VSTM2B: variants seen among roughly 807,000 people sequenced by gnomAD.
The protein encoded by VSTM2B is V-set and transmembrane domain containing 2B.
VSTM2B carries 24 observed loss-of-function variants against 24.0 expected under a neutral mutation model. That is an observed-to-expected ratio of 1.00 (90% CI 0.72 to 1.40). VSTM2B has a LOEUF of 1.40. VSTM2B is among the 40% of genes most tolerant of loss of function. The pLI, the probability that VSTM2B is intolerant of heterozygous loss-of-function variation, is 0.00. For missense variants in VSTM2B, 399 were observed against 416.4 expected (o/e 0.96, Z 0.36); for synonymous variants, 226 against 194.4 (o/e 1.16, Z -1.35).
chr19:29,534,734 G>GAAAGAAAGAAAAGA (rs1487013053), intron 4 of VSTM2B, among the ~76,000 whole-genome samples: 1 of 150,430 alleles, frequency 6.6e-6, no homozygotes, highest in Non-Finnish European at 1.5e-5. Context: ...AAAAAAGAAA[G>GAAAGAAAGAAAAGA]AAAGAAAGAA....
intron 4 of VSTM2B, among the ~76,000 whole-genome samples, chr19:29,541,408 G>A (rs1391160250): frequency 6.6e-6 from 1 of 152,134 alleles, no homozygotes; most frequent in African/African-American, 2.4e-5. Context: ...GCTGGTGGGT[G>A]AGTGAAGGGA....
At chr19:29,536,062 C>T (rs752451960) in intron 4 of VSTM2B, among the ~76,000 whole-genome samples, 2 of 152,238 alleles carry the variant, frequency 1.3e-5, no homozygotes, top group Admixed American at 6.5e-5. Flanking sequence ...AGCTGGCAAG[C>T]AATGCCTGCT....
At chr19:29,552,899 G>C (rs1225144245) in intron 4 of VSTM2B, among the ~76,000 whole-genome samples, 2 of 152,178 alleles carry the variant, frequency 1.3e-5, no homozygotes, top group Admixed American at 1.3e-4. Flanking sequence ...CTCCTCACCT[G>C]GTGGGGCCTC....
In VSTM2B at chr19:29,550,861, C is replaced by A. The variant is rs146688773; in HGVS notation, c.770-12985C>A. Among the ~76,000 whole-genome samples the A allele has an allele frequency of 8.6e-3, 1,306 of 152,176 alleles. 13 individuals carry two copies. The highest frequency in any genetic ancestry group is 0.02 in the Middle Eastern group (6 of 294). ...AAAAAAAGCAGCACTGTTTGCAAAC[C>A]CCTGACCCCAGATGCAGCTCCCAGG... On this transcript the variant is annotated intron_variant, in intron 4 of 4. Transcript: ENST00000335523.
At chr19:29,543,457 GA>G (rs1970070489) in intron 4 of VSTM2B, among the ~76,000 whole-genome samples, 2 of 152,352 alleles carry the variant, frequency 1.3e-5, no homozygotes, top group South Asian at 4.1e-4. Flanking sequence ...CACTGAGGTG[GA>G]ACCCAAAGGC....
chr19:29,556,649 C>A (rs898532066), intron 4 of VSTM2B, among the ~76,000 whole-genome samples: 2 of 152,140 alleles, frequency 1.3e-5, no homozygotes, highest in Non-Finnish European at 2.9e-5. Context: ...AGCCAAAAAG[C>A]AACTTAAGCT....
chr19:29,532,530 C>G (rs1175768392), intron 4 of VSTM2B, among the ~76,000 whole-genome samples: 2 of 152,162 alleles, frequency 1.3e-5, no homozygotes, highest in East Asian at 3.8e-4. Flanking sequence ...GCATTACAGG[C>G]TGGGACGTAC....
intron 4 of VSTM2B, among the ~76,000 whole-genome samples, chr19:29,530,598 G>C (rs75391429): frequency 0.038 from 5,780 of 152,204 alleles, 273 homozygotes; most frequent in African/African-American, 0.11. Context: ...TGGGTTTGGA[G>C]AACTGGACCC....
chr19:29,562,732 C>T (rs182162060), intron 4 of VSTM2B, among the ~76,000 whole-genome samples: 1 of 152,308 alleles, frequency 6.6e-6, no homozygotes, highest in Admixed American at 6.5e-5. Context: ...AGGTGAGAAG[C>T]CCAGGGTTTA....
intron 4 of VSTM2B, among the ~76,000 whole-genome samples, chr19:29,537,754 C>T (rs911601849): frequency 2.7e-5 from 4 of 148,882 alleles, no homozygotes; most frequent in African/African-American, 7.6e-5. Context: ...CACCTACTCT[C>T]CCGCACCCAT....
At chr19:29,544,009 G>T (rs1970084071) in intron 4 of VSTM2B, among the ~76,000 whole-genome samples, 1 of 151,926 alleles carries the variant, frequency 6.6e-6, no homozygotes. Context: ...GCTTCTAATG[G>T]TTTTACATAT....
At chr19:29,532,758 T>C (rs1225240115) in intron 4 of VSTM2B, among the ~76,000 whole-genome samples, 2 of 152,166 alleles carry the variant, frequency 1.3e-5, no homozygotes, top group Non-Finnish European at 2.9e-5. Flanking sequence ...CTGCACTAGC[T>C]GGAGAGGAGA....
At chr19:29,538,009 G>T (rs923653609) in intron 4 of VSTM2B, among the ~76,000 whole-genome samples, 1 of 152,104 alleles carries the variant, frequency 6.6e-6, no homozygotes, top group African/African-American at 2.4e-5. Context: ...TCCAACCATC[G>T]CATTCTCTCC....
At chr19:29,555,359 T>C (rs1307202391) in intron 4 of VSTM2B, among the ~76,000 whole-genome samples, 1 of 152,090 alleles carries the variant, frequency 6.6e-6, no homozygotes, top group Non-Finnish European at 1.5e-5. Flanking sequence ...TTGAAATCAG[T>C]GAGAACAGGG....
intron 4 of VSTM2B, among the ~76,000 whole-genome samples, chr19:29,556,261 T>G (rs1344997542): frequency 1.3e-5 from 2 of 151,896 alleles, no homozygotes; most frequent in African/African-American, 2.4e-5. Context: ...AACATAATTC[T>G]AAACAGAACG....
Position 29,527,271 on chromosome 19 carries a change from C to G in VSTM2B, c.143C>G (p.Pro48Arg). The G allele has an allele frequency of 6.4e-7, 1 of 1,550,454 alleles. No individual in the cohort carries two copies. The highest frequency in any genetic ancestry group is 8.7e-7 in the Non-Finnish European group (1 of 1,146,796). ...TVREGDDIEM[P>R]CAFRASGATS... ...CGGGAGGGAGACGACATCGAAATGCCCTGCGCGTTCCGGGCCAGCGGAGCC... is the reference window on the plus strand; with the variant it reads ...CGGGAGGGAGACGACATCGAAATGCGCTGCGCGTTCCGGGCCAGCGGAGCC... Residue 48 changes from proline to arginine, a missense_variant, in exon 2 of 5, where the codon CCC (proline) becomes CGC (arginine). Pro to Arg is a moderately radical substitution (Grantham distance 103, BLOSUM62 -2). Coordinates refer to ENST00000335523, the MANE Select transcript of VSTM2B (RefSeq NM_001146339.2).
In VSTM2B at chr19:29,526,544, C is replaced by G. The variant is rs1399271235; in HGVS notation, c.-40C>G. 2 of 1,479,162 alleles carry G rather than the reference C, an allele frequency of 1.4e-6. No homozygotes were observed. The highest frequency in any genetic ancestry group is 4.3e-5 in the Admixed American group (2 of 47,028). The allele number at this position is 1,479,162 out of a possible 1,614,324, so 91.6% of individuals were successfully genotyped here. ...CGAGCCCACGCGGCCGCCGCCTCTC[C>G]GCTCCCGGGCCCCCGCCGCCACCGC... On this transcript the variant is annotated 5_prime_UTR_variant, in exon 1 of 5. Transcript: ENST00000335523. The surrounding 1 kb of genome is among the most constrained non-coding windows in gnomAD (Gnocchi z 4.1).
At chr19:29,546,679 C>CT (rs1748051977) in intron 4 of VSTM2B, among the ~76,000 whole-genome samples, 1 of 150,920 alleles carries the variant, frequency 6.6e-6, no homozygotes, top group African/African-American at 2.4e-5. Flanking sequence ...AGCCCCCACC[C>CT]CCACCCCGGT....
chr19:29,525,836 C>T (rs1969544447), upstream of VSTM2B: 2 of 149,516 alleles, frequency 1.3e-5, no homozygotes, highest in South Asian at 4.3e-4. Context: ...ACGGTGGTCC[C>T]TCCGAGCGAC....
Sources: allele counts gnomAD v4.1 joint callset (sites outside exome capture counted in the v4.1 genomes callset), GRCh38; gene constraint gnomAD v4.1.1; non-coding constraint Gnocchi (gnomAD v3.1); transcripts MANE v1.5; gene names NCBI Gene and HGNC (gene_info 2026-07-23, HGNC 2026-07-21).